ARHGEF26: variants seen among roughly 807,000 people sequenced by gnomAD.
ARHGEF26 encodes the protein Rho guanine nucleotide exchange factor 26.
In ARHGEF26, 59 loss-of-function variants were observed where a neutral mutation model predicts 89.4. The ratio of observed to expected loss-of-function variants is 0.66; its 90% CI spans 0.54 to 0.82. The LOEUF (loss-of-function observed/expected upper bound fraction) is 0.82. ARHGEF26 is among the 40% of genes least tolerant of loss of function. ARHGEF26 has a pLI of 0.00. For synonymous variants in ARHGEF26, 500 were observed against 428.4 expected (o/e 1.17, Z -2.06); for missense variants, 1,234 against 1,085.6 (o/e 1.14, Z -1.92).
chr3:154,242,948 G>A (rs1431182553), intron 12 of ARHGEF26, among the ~76,000 whole-genome samples: 1 of 152,172 alleles, frequency 6.6e-6, no homozygotes, highest in Non-Finnish European at 1.5e-5. Context: ...ATGCCCCTCT[G>A]TGTTTGCGGC....
chr3:154,196,364 T>C (rs1016237790), intron 9 of ARHGEF26, among the ~76,000 whole-genome samples: 2 of 152,104 alleles, frequency 1.3e-5, no homozygotes, highest in Non-Finnish European at 2.9e-5. Context: ...GAGGATACTG[T>C]ATGAGGTTGG....
chr3:154,228,274 A>AT (rs1716613467), intron 11 of ARHGEF26, among the ~76,000 whole-genome samples: 1 of 151,202 alleles, frequency 6.6e-6, no homozygotes, highest in Non-Finnish European at 1.5e-5. Flanking sequence ...AGTAGCTGGG[A>AT]TTACAGGCAT....
intron 4 of ARHGEF26, among the ~76,000 whole-genome samples, chr3:154,130,692 C>T (rs369494465): frequency 3.9e-5 from 6 of 152,178 alleles, no homozygotes; most frequent in African/African-American, 7.2e-5. Flanking sequence ...ACAGCATTTG[C>T]GAATATCTGA....
chr3:154,247,513 C>G (rs1717875552), intron 12 of ARHGEF26, among the ~76,000 whole-genome samples: 1 of 152,196 alleles, frequency 6.6e-6, no homozygotes, highest in Admixed American at 6.5e-5. Context: ...AGTTTTATCA[C>G]TAATCCCTAA....
Position 154,122,636 on chromosome 3 carries a change from T to C in ARHGEF26, c.644T>C (p.Leu215Pro). 6.2e-7 allele frequency: 1 copy of C among 1,613,488 alleles called. No individual in the cohort carries two copies. The highest frequency in any genetic ancestry group is 1.1e-5 in the South Asian group (1 of 91,070). The change falls in exon 2 of 15, where the codon CTC becomes CCC. Residue 215 changes from leucine (L) to proline (P), a missense_variant. Coordinates refer to ENST00000465093, the MANE Select transcript of ARHGEF26 (RefSeq NM_015595.4). The stretch of plus-strand genomic sequence containing the variant: ...CAGAAAAGTTCTTCGGAACAAAAAC[T>C]CCCCCTCCAAAGGCTGCCCTCCCAG... Reference protein sequence around the residue: ...GPQKSSSEQKLPLQRLPSQEN... With the variant: ...GPQKSSSEQKPPLQRLPSQEN...
chr3:154,218,320 G>A (rs1208580836), intron 10 of ARHGEF26, among the ~76,000 whole-genome samples: 2 of 152,154 alleles, frequency 1.3e-5, no homozygotes, highest in Non-Finnish European at 2.9e-5. Context: ...TATTCCATGA[G>A]CTGGACCAGT....
At chr3:154,128,202 CA>C (rs1718453723) in intron 3 of ARHGEF26, among the ~76,000 whole-genome samples, 1 of 152,156 alleles carries the variant, frequency 6.6e-6, no homozygotes, top group African/African-American at 2.4e-5. Flanking sequence ...ATGGCTGAGG[CA>C]AGGCCCTACA....
At chr3:154,237,303 G>A (rs1717175008) in intron 11 of ARHGEF26, among the ~76,000 whole-genome samples, 1 of 152,118 alleles carries the variant, frequency 6.6e-6, no homozygotes, top group South Asian at 2.1e-4. Flanking sequence ...TGTAATCCCA[G>A]CACTTTGGGA....
intron 4 of ARHGEF26, among the ~76,000 whole-genome samples, chr3:154,145,418 G>A (rs1192896640): frequency 8.5e-5 from 13 of 152,324 alleles, no homozygotes; most frequent in East Asian, 5.8e-4. Context: ...GACATGAAAA[G>A]CAAGCTTACT....
intron 3 of ARHGEF26, among the ~76,000 whole-genome samples, chr3:154,125,938 T>G (rs1235657644): frequency 1.3e-5 from 2 of 152,124 alleles, no homozygotes; most frequent in Non-Finnish European, 2.9e-5. Flanking sequence ...TTCCTGTTCA[T>G]CAGTTAAGTG....
intron 6 of ARHGEF26, among the ~76,000 whole-genome samples, chr3:154,164,303 A>G (rs1309617257): frequency 6.6e-6 from 1 of 152,086 alleles, no homozygotes; most frequent in African/African-American, 2.4e-5. Context: ...CTGTTTTAGT[A>G]TTAATTCAGT....
In ARHGEF26 at chr3:154,132,713, T is replaced by G. The variant is rs139393408; in HGVS notation, c.1269+2994T>G. On this transcript the variant is annotated intron_variant, in intron 4 of 14. Coordinates refer to ENST00000465093, the MANE Select transcript of ARHGEF26 (RefSeq NM_015595.4). ...TCAACTTTAATATATATATTCAGCT[T>G]TAATATGTAATATATAAATATATAT... Among the ~76,000 whole-genome samples the G allele has an allele frequency of 7.2e-4, 110 of 152,092 alleles. 1 individual carries two copies. The highest frequency in any genetic ancestry group is 1.9e-3 in the African/African-American group (80 of 41,472).
At chr3:154,220,093 C>T (rs1272139002) in intron 10 of ARHGEF26, among the ~76,000 whole-genome samples, 1 of 152,134 alleles carries the variant, frequency 6.6e-6, no homozygotes, top group Non-Finnish European at 1.5e-5. Context: ...TGGAAATACT[C>T]GTAAAATCTT....
At chr3:154,168,240 T>C (rs1338054244) in intron 6 of ARHGEF26, among the ~76,000 whole-genome samples, 1 of 151,940 alleles carries the variant, frequency 6.6e-6, no homozygotes, top group Admixed American at 6.6e-5. Flanking sequence ...TAGGAAAGGG[T>C]GGTTCACTGT....
chr3:154,226,065 T>C, intron 11 of ARHGEF26, 55 bp downstream of exon 11: 1 of 1,500,924 alleles, frequency 6.7e-7, no homozygotes. Context: ...AGTTCTGTAA[T>C]TCAGATGCCT....
chr3:154,123,062 TG>T lies in ARHGEF26; in HGVS notation c.1073del (p.Gly358GlufsTer3), dbSNP rs1224059351. The T allele has an allele frequency of 6.2e-7, 1 of 1,613,820 alleles. No homozygotes were observed. Among genetic ancestry groups the T allele is most frequent in the South Asian group, 1.1e-5 (1 of 91,012 alleles). On this transcript the variant is annotated frameshift_variant, in exon 2 of 15. Coordinates refer to ENST00000465093, the MANE Select transcript of ARHGEF26 (RefSeq NM_015595.4). LOFTEE classifies it high-confidence loss of function. ...VMEDKEKFSS[L>X]GRIKKKMLKG... The stretch of plus-strand genomic sequence containing the variant: ...GAAGACAAGGAGAAGTTTTCCAGTC[TG>T]GGAAGGATAAAGGTAAAAGTGGGCA...
intron 4 of ARHGEF26, among the ~76,000 whole-genome samples, chr3:154,145,796 G>T (rs899467396): frequency 6.6e-6 from 1 of 152,200 alleles, no homozygotes; most frequent in African/African-American, 2.4e-5. Flanking sequence ...TGTATCCATA[G>T]ATAAGTTCTG....
chr3:154,221,339 T>C (rs1008569642), intron 10 of ARHGEF26, among the ~76,000 whole-genome samples: 2 of 152,338 alleles, frequency 1.3e-5, no homozygotes, highest in African/African-American at 2.4e-5. Context: ...CCCCATTTTA[T>C]TGATGGAATT....
intron 8 of ARHGEF26, among the ~76,000 whole-genome samples, chr3:154,193,027 G>A (rs1428799651): frequency 6.6e-6 from 1 of 150,546 alleles, no homozygotes; most frequent in Admixed American, 6.7e-5. Flanking sequence ...TTGCTCAGTA[G>A]GCTTTAAACT....
Sources: allele counts gnomAD v4.1 joint callset (sites outside exome capture counted in the v4.1 genomes callset), GRCh38; gene constraint gnomAD v4.1.1; transcripts MANE v1.5; gene names NCBI Gene and HGNC (gene_info 2026-07-23, HGNC 2026-07-21).